The following PARD3 variants were observed in gnomAD, a reference collection of about 807,000 sequenced individuals.
PARD3 encodes the protein par-3 family cell polarity regulator.
In PARD3, 75 loss-of-function variants were observed where a neutral mutation model predicts 155.4. That is an observed-to-expected ratio of 0.48 (90% CI 0.40 to 0.58). The LOEUF is 0.58. Ranked by LOEUF, PARD3 falls within the 20% of genes least tolerant of loss-of-function variation. PARD3 has a pLI of 0.00. For synonymous variants in PARD3, 576 were observed against 610.5 expected (o/e 0.94, Z 0.83); for missense variants, 1,642 against 1,721.7 (o/e 0.95, Z 0.82).
intron 2 of PARD3, among the ~76,000 whole-genome samples, chr10:34,656,949 T>G (rs1211763426): frequency 1.3e-5 from 2 of 152,212 alleles, no homozygotes; most frequent in African/African-American, 4.8e-5. Flanking sequence ...GGAAACAGCC[T>G]TCTAATAAAC....
At position 34,644,626 on chromosome 10, in the gene PARD3, C is replaced by A. The variant is rs151023162; in HGVS notation, c.222+51692G>T. Among the ~76,000 whole-genome samples, 50 of 152,314 alleles carry A rather than the reference C, an allele frequency of 3.3e-4. 1 individual carries two copies. The East Asian group carries it at 9.6e-3, about 29-fold the overall frequency. ...AATAAGGACAAAAGATGTACCTTGACAGTCTCACTCTCATTTCTCAGGGTC... is the reference window on the plus strand; with the variant it reads ...AATAAGGACAAAAGATGTACCTTGAAAGTCTCACTCTCATTTCTCAGGGTC... On this transcript the variant is annotated intron_variant, in intron 2 of 24. Coordinates refer to ENST00000374788, the MANE Select transcript of PARD3 (RefSeq NM_001184785.2).
chr10:34,447,734 G>A (rs1364073235), intron 5 of PARD3, among the ~76,000 whole-genome samples: 2 of 151,490 alleles, frequency 1.3e-5, no homozygotes, highest in African/African-American at 4.9e-5. Flanking sequence ...GAACCCAGGA[G>A]GCAGAGGTTG....
chr10:34,780,672 G>A (rs567966785), intron 1 of PARD3, among the ~76,000 whole-genome samples: 132 of 152,220 alleles, frequency 8.7e-4, no homozygotes, highest in African/African-American at 3.0e-3. Context: ...ACAACAGTAC[G>A]CCCTTTCTTT....
chr10:34,343,785 C>A, intron 15 of PARD3: 1 of 984,232 alleles, frequency 1.0e-6, no homozygotes, highest in Non-Finnish European at 1.2e-6. Flanking sequence ...GGTAAACTTT[C>A]CTCTATCTTC....
intron 2 of PARD3, among the ~76,000 whole-genome samples, chr10:34,548,085 G>C (rs181841242): frequency 2.6e-5 from 4 of 152,296 alleles, no homozygotes; most frequent in Non-Finnish European, 5.9e-5. Context: ...AACATTGTAA[G>C]CAATAACATT....
rs569213208 is a variant in PARD3, at chr10:34,653,520, A to G, written c.222+42798T>C. ...AAAAATGCTCCCACAAGGAACACAA[A>G]ACCAGCATGTATAGCACGAGATACC... On this transcript the variant is annotated intron_variant, in intron 2 of 24. Transcript: ENST00000374788. Among the ~76,000 whole-genome samples the G allele has an allele frequency of 2.9e-4, 44 of 152,360 alleles. 1 individual carries two copies. The highest frequency in any genetic ancestry group is 9.9e-4 in the African/African-American group (41 of 41,584).
chr10:34,748,970 T>A (rs1404146619), intron 1 of PARD3, among the ~76,000 whole-genome samples: 3 of 152,210 alleles, frequency 2.0e-5, no homozygotes, highest in African/African-American at 7.2e-5. Flanking sequence ...TTATCTTCCT[T>A]ATCTTTGTAG....
At chr10:34,128,346 T>A (rs1187820786) in intron 23 of PARD3, among the ~76,000 whole-genome samples, 1 of 152,238 alleles carries the variant, frequency 6.6e-6, no homozygotes, top group Non-Finnish European at 1.5e-5. Flanking sequence ...TTTATGATGA[T>A]CCACTTCCAT....
At position 34,399,391 on chromosome 10, in the gene PARD3, C is replaced by G; in HGVS notation, c.829G>C (p.Val277Leu). 1 of 1,610,322 alleles carries G rather than the reference C, an allele frequency of 6.2e-7. No homozygotes were observed. Among genetic ancestry groups the G allele is most frequent in the Non-Finnish European group, 8.5e-7 (1 of 1,176,668 alleles). The change falls in exon 7 of 25, where the codon GTC (valine) becomes CTC (leucine). Residue 277 changes from valine (V) to leucine (L), a missense_variant. Val to Leu is a conservative substitution (Grantham distance 32, BLOSUM62 1). Coordinates refer to ENST00000374788, the MANE Select transcript of PARD3 (RefSeq NM_001184785.2). Reference protein sequence around the residue: ...SLDDMVKLVEVPNDGGPLGIH... With the variant: ...SLDDMVKLVELPNDGGPLGIH... Reference sequence around the variant, plus strand: ...CCCAGAGGCCCTCCATCGTTGGGGACTTCTACGAGCTTTACCATATCACTG... The same window carrying G: ...CCCAGAGGCCCTCCATCGTTGGGGAGTTCTACGAGCTTTACCATATCACTG...
chr10:34,537,682 GAGACATGACAGCAAATACAA>G (rs2083317445), intron 2 of PARD3, among the ~76,000 whole-genome samples: 1 of 152,166 alleles, frequency 6.6e-6, no homozygotes, highest in African/African-American at 2.4e-5. Flanking sequence ...TGGTAATAAG[GAGACATGACAGCAAATACAA>G]AGAAAAGCCA....
In PARD3 at chr10:34,134,969, T is replaced by A. The variant is rs181658747; in HGVS notation, c.3420-3386A>T. Among the ~76,000 whole-genome samples the A allele has an allele frequency of 3.9e-3, 588 of 152,352 alleles. 5 individuals are homozygous for A. Among genetic ancestry groups the A allele is most frequent in the African/African-American group, 0.014 (566 of 41,584 alleles). On this transcript the variant is annotated intron_variant, in intron 22 of 24. Coordinates refer to ENST00000374788, the MANE Select transcript of PARD3 (RefSeq NM_001184785.2). The stretch of plus-strand genomic sequence containing the variant: ...CAAGAAAGCTAAAGGAAATTTTAAA[T>A]ATTCATTAGCAATAGTGACTCATCC...
chr10:34,782,019 C>A (rs1262503867), intron 1 of PARD3, among the ~76,000 whole-genome samples: 1 of 152,206 alleles, frequency 6.6e-6, no homozygotes, highest in Non-Finnish European at 1.5e-5. Flanking sequence ...GAAATGCTGA[C>A]ACAGCTGCAA....
chr10:34,440,951 A>G (rs2076430950), intron 5 of PARD3, among the ~76,000 whole-genome samples: 1 of 152,166 alleles, frequency 6.6e-6, no homozygotes, highest in Admixed American at 6.5e-5. Context: ...AGAGAATATA[A>G]GGAATGGAAG....
At chr10:34,793,470 T>C (rs1841899724) in intron 1 of PARD3, among the ~76,000 whole-genome samples, 1 of 152,082 alleles carries the variant, frequency 6.6e-6, no homozygotes, top group African/African-American at 2.4e-5. Context: ...TAGTCAGGGA[T>C]ATAAAAGCCA....
rs137933695 is a variant in PARD3 at position 34,402,382 on chromosome 10, CAA to C, written c.715-467_715-466del. On this transcript the variant is annotated intron_variant, in intron 5 of 24. Transcript: ENST00000374788. ...AAACCATAACCATTACCAAAAGCTT[CAA>C]AGTCATGTTTCTCAGTTCTTGATTC... is the stretch of plus-strand genomic sequence containing the variant. Among the ~76,000 whole-genome samples the C allele has an allele frequency of 1.6e-3, 246 of 152,232 alleles. 4 individuals are homozygous for C. Among genetic ancestry groups the C allele is most frequent in the African/African-American group, 5.7e-3 (236 of 41,544 alleles).
At chr10:34,210,374 T>C (rs904810947) in intron 22 of PARD3, among the ~76,000 whole-genome samples, 9 of 152,202 alleles carry the variant, frequency 5.9e-5, no homozygotes, top group Non-Finnish European at 8.8e-5. Context: ...CTTTCACTAG[T>C]GAATTGCCCC....
At chr10:34,801,203 T>A (rs1842813196) in intron 1 of PARD3, among the ~76,000 whole-genome samples, 1 of 152,146 alleles carries the variant, frequency 6.6e-6, no homozygotes, top group Non-Finnish European at 1.5e-5. Context: ...CTTTTTCACA[T>A]CCTGTAGGAA....
chr10:34,503,264 G>T (rs80327260), intron 3 of PARD3, among the ~76,000 whole-genome samples: 2,349 of 152,076 alleles, frequency 0.015, 58 homozygotes, highest in African/African-American at 0.054. Context: ...ACAAATTAAC[G>T]AATGAGTCGG....
At chr10:34,695,009 T>C (rs1354345708) in intron 2 of PARD3, among the ~76,000 whole-genome samples, 1 of 152,050 alleles carries the variant, frequency 6.6e-6, no homozygotes, top group Non-Finnish European at 1.5e-5. Context: ...AGAGTGAATA[T>C]CTGGGTGATC....
Sources: gnomAD v4.1 joint callset for allele counts (sites outside exome capture counted in the v4.1 genomes callset) on GRCh38, gnomAD v4.1.1 for gene constraint, MANE v1.5 for transcripts, NCBI Gene and HGNC (gene_info 2026-07-23, HGNC 2026-07-21) for gene names.